The following ZNF717 variants were observed in gnomAD, a reference collection of about 807,000 sequenced individuals.
The protein encoded by ZNF717 is krueppel-like factor X17.
ZNF717 carries 9 observed loss-of-function variants against 13.8 expected under a neutral mutation model. The ratio of observed to expected loss-of-function variants is 0.65; its 90% CI spans 0.39 to 1.14. ZNF717 has a LOEUF of 1.14. Ranked by LOEUF, ZNF717 falls within the 50% of genes most tolerant of loss-of-function variation. ZNF717 has a pLI of 0.01. For missense variants in ZNF717, 1,040 were observed against 1,080.7 expected (o/e 0.96, Z 0.53); for synonymous variants, 327 against 364.1 (o/e 0.90, Z 1.16).
At chr3:75,757,811 T>C (rs1396461702) in intron 2 of ZNF717, among the ~76,000 whole-genome samples, 1 of 151,866 alleles carries the variant, frequency 6.6e-6, no homozygotes, top group Non-Finnish European at 1.5e-5. Context: ...AAGATCAAAA[T>C]AGCAACATTA....
intron 6 of ZNF717, among the ~76,000 whole-genome samples, chr3:75,695,227 G>A (rs1163594569): frequency 6.6e-6 from 1 of 152,268 alleles, no homozygotes; most frequent in Non-Finnish European, 1.5e-5. Context: ...AAAGACTGTA[G>A]GAAGAGATTA....
chr3:75,724,415 A>C (rs1938234734), intron 4 of ZNF717, among the ~76,000 whole-genome samples: 1 of 150,628 alleles, frequency 6.6e-6, no homozygotes, highest in African/African-American at 2.4e-5. Flanking sequence ...CCCCTGGCTA[A>C]TATTTTTTGT....
chr3:75,716,952 T>C lies in ZNF717; in HGVS notation n.545-411A>G, dbSNP rs1467557620. 2.6e-5 allele frequency among the ~76,000 whole-genome samples: 4 copies of C among 152,208 alleles called. No individual in the cohort carries two copies. The East Asian group carries it at 7.7e-4, about 29-fold the overall frequency. Reference sequence around the variant, plus strand: ...TTGGCAACACCCATTCACTATGTTGTACATTTTGAAAAAGCTATTAATTTC... The same window carrying C: ...TTGGCAACACCCATTCACTATGTTGCACATTTTGAAAAAGCTATTAATTTC... On this transcript the variant is annotated intron_variant and non_coding_transcript_variant, in intron 4 of 5. Coordinates refer to the ZNF717 transcript ENST00000491507.
chr3:75,770,615 G>A (rs1366677091), intron 2 of ZNF717, among the ~76,000 whole-genome samples: 18 of 152,182 alleles, frequency 1.2e-4, no homozygotes, highest in African/African-American at 4.3e-4. Context: ...AACAGGGCTT[G>A]ACACCAGATG....
intron 2 of ZNF717, among the ~76,000 whole-genome samples, chr3:75,750,382 CTA>C (rs1288467536): frequency 1.1e-4 from 17 of 151,034 alleles, no homozygotes; most frequent in African/African-American, 3.4e-4. Flanking sequence ...GATTCCAGAA[CTA>C]TGTTACGAGA....
At chr3:75,709,042 C>A (rs77711019), downstream of ZNF717, among the ~76,000 whole-genome samples, 1 of 151,348 alleles carries the variant, frequency 6.6e-6, no homozygotes, top group African/African-American at 2.4e-5. Flanking sequence ...ACTCTGTCAC[C>A]AAGGCTGGAG....
chr3:75,729,452 C>G (rs1456841049), downstream of ZNF717, among the ~76,000 whole-genome samples: 1 of 152,168 alleles, frequency 6.6e-6, no homozygotes, highest in African/African-American at 2.4e-5. Context: ...CCCATCTCTA[C>G]TAAAAATACA....
At chr3:75,773,603 T>C (rs1944062294) in intron 2 of ZNF717, among the ~76,000 whole-genome samples, 2 of 152,126 alleles carry the variant, frequency 1.3e-5, no homozygotes, top group African/African-American at 4.8e-5. Flanking sequence ...GAATGAAAAA[T>C]GTTAATTTGG....
At chr3:75,775,326 TTAACTA>T (rs1257536400) in intron 2 of ZNF717, among the ~76,000 whole-genome samples, 2 of 152,358 alleles carry the variant, frequency 1.3e-5, no homozygotes, top group African/African-American at 4.8e-5. Context: ...TCAATTGTCT[TTAACTA>T]TAACTATTTA....
At chr3:75,715,116 GT>G (rs1213186093) in intron 5 of ZNF717, among the ~76,000 whole-genome samples, 3 of 152,216 alleles carry the variant, frequency 2.0e-5, no homozygotes, top group Non-Finnish European at 4.4e-5. Context: ...AATAAGTGCT[GT>G]GAACCACAGT....
In ZNF717 at chr3:75,737,512, T is replaced by C. The variant is rs1339985569; in HGVS notation, c.2111A>G (p.Asn704Ser). ...GAAAGGATTTTCCACATTCATTACATTCATAGGGCTTTTCCCCGGTGTGAG... is the reference window on the plus strand; with the variant it reads ...GAAAGGATTTTCCACATTCATTACACTCATAGGGCTTTTCCCCGGTGTGAG... ...RELTPGKSPM[N>S]VMNVENPFIR... Residue 704 changes from asparagine to serine, a missense_variant, in exon 5 of 5, where the codon AAT becomes AGT. Asn to Ser is a conservative substitution (Grantham distance 46). Around this residue, in one of 3 missense-constraint regions of ZNF717, gnomAD observed 873 missense variants for 832.8 expected, o/e 1.05. Coordinates refer to ENST00000652011, the MANE Select transcript of ZNF717 (RefSeq NM_001290208.3). 9.7e-6 allele frequency: 15 copies of C among 1,554,242 alleles called. No individual in the cohort carries two copies. Among genetic ancestry groups the C allele is most frequent in the East Asian group, 2.4e-5 (1 of 41,060 alleles).
Position 75,699,439 on chromosome 3 carries a change from T to C in ZNF717, n.1085+11748A>G, listed in dbSNP as rs1329384912. Among the ~76,000 whole-genome samples, 10 of 152,394 alleles carry C rather than the reference T, an allele frequency of 6.6e-5. No homozygotes were observed. In the East Asian group the frequency reaches 1.4e-3, roughly 21 times the overall value. Reference sequence around the variant, plus strand: ...GGAAGTGGGCCTAGTGGGGAGGTGATTGAATCATGACAGCAGGATTTCCAA... The same window carrying C: ...GGAAGTGGGCCTAGTGGGGAGGTGACTGAATCATGACAGCAGGATTTCCAA... On this transcript the variant is annotated intron_variant and non_coding_transcript_variant, in intron 6 of 6. Transcript: ENST00000648506.
rs112044558 is a variant in ZNF717, at chr3:75,777,797, G to A, written c.57+5509C>T. On this transcript the variant is annotated intron_variant, in intron 2 of 4. Coordinates refer to ENST00000652011, the MANE Select transcript of ZNF717 (RefSeq NM_001290208.3). ...ACAATGGGAGTGACATGCTAAAACC[G>A]GAACCCAAAACAATGGGAGTGTCAT... Among the ~76,000 whole-genome samples, 252 of 147,628 alleles carry A rather than the reference G, an allele frequency of 1.7e-3. 1 individual carries two copies. The highest frequency in any genetic ancestry group is 6.0e-3 in the African/African-American group (239 of 39,894).
downstream of ZNF717, among the ~76,000 whole-genome samples, chr3:75,728,517 T>A (rs1938343880): frequency 6.6e-6 from 1 of 152,248 alleles, no homozygotes; most frequent in Non-Finnish European, 1.5e-5. Context: ...TAAATTGCAA[T>A]AATCCCCATG....
At position 75,737,546 on chromosome 3, in the gene ZNF717, T is replaced by C. The variant is rs759806342; in HGVS notation, c.2077A>G (p.Ile693Val). The C allele has an allele frequency of 6.4e-7, 1 of 1,552,868 alleles. No individual in the cohort carries two copies. Among genetic ancestry groups the C allele is most frequent in the South Asian group, 1.2e-5 (1 of 84,118 alleles). ...LFVRNHTLLY[I>V]RELTPGKSPM... Reference sequence around the variant, plus strand: ...CTTTTCCCCGGTGTGAGTTCTCTGATGTATAATAAGGTATGATTTCTGACA... The same window carrying C: ...CTTTTCCCCGGTGTGAGTTCTCTGACGTATAATAAGGTATGATTTCTGACA... Residue 693 changes from isoleucine (I) to valine (V), a missense_variant, in exon 5 of 5, where the codon ATC becomes GTC. By Grantham distance (29) the Ile-to-Val change is conservative (BLOSUM62 3). Around this residue, in one of 3 missense-constraint regions of ZNF717, gnomAD observed 873 missense variants for 832.8 expected, o/e 1.05. Coordinates refer to ENST00000652011, the MANE Select transcript of ZNF717 (RefSeq NM_001290208.3).
chr3:75,700,688 A>G (rs1575758427), intron 6 of ZNF717, among the ~76,000 whole-genome samples: 1 of 152,310 alleles, frequency 6.6e-6, no homozygotes, highest in African/African-American at 2.4e-5. Flanking sequence ...ACAATAAAAA[A>G]TAAGACAGGT....
intron 4 of ZNF717, among the ~76,000 whole-genome samples, chr3:75,721,191 T>C (rs1488741818): frequency 6.6e-6 from 1 of 152,240 alleles, no homozygotes; most frequent in Non-Finnish European, 1.5e-5. Flanking sequence ...AATTCCATGA[T>C]CAACAATTTA....
chr3:75,741,172 AG>A, intron 4 of ZNF717, 103 bp downstream of exon 4: 1 of 709,940 alleles, frequency 1.4e-6, no homozygotes, highest in South Asian at 1.5e-5. Flanking sequence ...AACAGCCTTC[AG>A]GTCGAAGACC....
In ZNF717 at chr3:75,776,466, CA is replaced by C. The variant is rs572936048; in HGVS notation, c.57+6839del. ...CCATGCAAGAGGGTTGATGTTAAAA[CA>C]GTAGATTATTATGCTGAAGTGTATT... On this transcript the variant is annotated intron_variant, in intron 2 of 4. Transcript: ENST00000652011. Among the ~76,000 whole-genome samples the C allele has an allele frequency of 4.1e-3, 631 of 152,342 alleles. 6 individuals carry two copies. The highest frequency in any genetic ancestry group is 0.014 in the African/African-American group (591 of 41,566).
Sources: allele counts gnomAD v4.1 joint callset (sites outside exome capture counted in the v4.1 genomes callset), GRCh38; gene constraint gnomAD v4.1.1; regional missense constraint gnomAD v4.1.1; transcripts MANE v1.5; gene names NCBI Gene and HGNC (gene_info 2026-07-23, HGNC 2026-07-21).